The following SOX6 variants were observed in gnomAD, a reference collection of about 807,000 sequenced individuals.
The protein encoded by SOX6 is SRY-box transcription factor 6.
SOX6 carries 11 observed loss-of-function variants against 97.8 expected under a neutral mutation model. The ratio of observed to expected loss-of-function variants is 0.11; its 90% CI spans 0.07 to 0.19. The LOEUF (loss-of-function observed/expected upper bound fraction) is 0.19, where lower values mean the gene tolerates loss of function less well. SOX6 is among the 10% of genes least tolerant of loss of function. The pLI is 1.00. For missense variants in SOX6, 810 were observed against 1,039.5 expected (o/e 0.78, Z 3.04); for synonymous variants, 360 against 371.4 (o/e 0.97, Z 0.35).
chr11:16,653,570 A>T (rs1423427271), intron 3 of SOX6, among the ~76,000 whole-genome samples: 1 of 152,196 alleles, frequency 6.6e-6, no homozygotes, highest in Non-Finnish European at 1.5e-5. Flanking sequence ...GAAATAAGCT[A>T]TGAGGATACA....
intron 3 of SOX6, among the ~76,000 whole-genome samples, chr11:16,266,269 C>T (rs543810521): frequency 6.6e-6 from 1 of 151,578 alleles, no homozygotes; most frequent in Non-Finnish European, 1.5e-5. Flanking sequence ...GACAATTGTG[C>T]AACATTTTTA....
At chr11:16,059,608 T>C (rs952242556) in intron 9 of SOX6, among the ~76,000 whole-genome samples, 1 of 152,014 alleles carries the variant, frequency 6.6e-6, no homozygotes, top group African/African-American at 2.4e-5. Flanking sequence ...TATGTCATGA[T>C]TGTTGCTTTC....
chr11:16,106,161 C>A (rs963448680), intron 7 of SOX6, among the ~76,000 whole-genome samples: 4 of 151,986 alleles, frequency 2.6e-5, no homozygotes, highest in Non-Finnish European at 5.9e-5. Flanking sequence ...CAATCCCTAT[C>A]AAAATTACAA....
At chr11:16,570,458 T>A (rs1184735455) in intron 4 of SOX6, among the ~76,000 whole-genome samples, 1 of 152,218 alleles carries the variant, frequency 6.6e-6, no homozygotes, top group African/African-American at 2.4e-5. Flanking sequence ...TAATTCTCCT[T>A]ACATTCTCTG....
rs570255586 is a variant in SOX6 at position 16,154,030 on chromosome 11, G to A, written c.777+29856C>T. On this transcript the variant is annotated intron_variant, in intron 6 of 15. Coordinates refer to ENST00000683767, the MANE Select transcript of SOX6 (RefSeq NM_001367873.1). ...AAGGAATATAAAAGTGAAGTAAGAT[G>A]GCAATTTATTCCTCCCAGCTCAAAT... 6.8e-4 allele frequency among the ~76,000 whole-genome samples: 103 copies of A among 152,168 alleles called. 1 individual carries two copies. The highest frequency in any genetic ancestry group is 2.4e-3 in the African/African-American group (100 of 41,546).
chr11:16,634,478 T>C (rs566223201), intron 3 of SOX6, among the ~76,000 whole-genome samples: 8 of 152,256 alleles, frequency 5.3e-5, no homozygotes, highest in Non-Finnish European at 1.0e-4. Context: ...ATTCTCAAAT[T>C]TGGTGAAAAA....
In SOX6 at chr11:16,610,311, A is replaced by G. The variant is rs1435046424; in HGVS notation, n.609+1770T>C. 6.6e-6 allele frequency among the ~76,000 whole-genome samples: 1 copy of G among 152,196 alleles called. No individual in the cohort carries two copies. Among genetic ancestry groups the G allele is most frequent in the Non-Finnish European group, 1.5e-5 (1 of 68,034 alleles). On this transcript the variant is annotated intron_variant and non_coding_transcript_variant, in intron 4 of 5. Transcript: ENST00000524520. This position sits in a 1 kb window ranked among gnomAD's most constrained non-coding sequence, Gnocchi z 4.4. ...GAAGAGCCACCTAGAGAGGTGAAAC[A>G]TTAGGGACGGAAAGGCTGGAGCGCG...
At chr11:16,688,204 G>A (rs1590052765) in intron 3 of SOX6, among the ~76,000 whole-genome samples, 1 of 151,998 alleles carries the variant, frequency 6.6e-6, no homozygotes, top group East Asian at 1.9e-4. Context: ...GAACTCCTGG[G>A]CTCAAGCAAT....
chr11:16,066,944 G>C (rs983635687), intron 9 of SOX6, among the ~76,000 whole-genome samples: 16 of 152,070 alleles, frequency 1.1e-4, no homozygotes, highest in African/African-American at 3.9e-4. Flanking sequence ...GAAGCTTTAA[G>C]ATTTGACTGC....
chr11:16,383,281 C>A (rs1404786389), intron 1 of SOX6, among the ~76,000 whole-genome samples: 1 of 151,778 alleles, frequency 6.6e-6, no homozygotes, highest in African/African-American at 2.4e-5. Context: ...TATAACAGAG[C>A]AATAAGAAGA....
intron 4 of SOX6, among the ~76,000 whole-genome samples, chr11:16,192,716 G>A (rs1949482): frequency 0.59 from 89,266 of 151,698 alleles, 27,232 homozygotes; most frequent in East Asian, 0.75. Context: ...GATAAATAAG[G>A]CAATTCTCTT....
At chr11:16,295,504 T>C (rs1201216306) in intron 3 of SOX6, among the ~76,000 whole-genome samples, 1 of 152,008 alleles carries the variant, frequency 6.6e-6, no homozygotes, top group Non-Finnish European at 1.5e-5. Context: ...TCATCTTTCC[T>C]GTAGATATAG....
At chr11:15,987,823 C>A (rs866225175) in intron 14 of SOX6, among the ~76,000 whole-genome samples, 2 of 151,288 alleles carry the variant, frequency 1.3e-5, no homozygotes, top group Middle Eastern at 3.4e-3. Flanking sequence ...AAAATAAAAA[C>A]CACACTTAAT....
chr11:16,059,000 C>CTAA (rs1847883678), intron 9 of SOX6, among the ~76,000 whole-genome samples: 1 of 152,094 alleles, frequency 6.6e-6, no homozygotes, highest in South Asian at 2.1e-4. Context: ...ATGATGCCTT[C>CTAA]AATTCCTAAG....
At chr11:16,068,762 C>T (rs7947622) in intron 9 of SOX6, among the ~76,000 whole-genome samples, 2 of 152,124 alleles carry the variant, frequency 1.3e-5, no homozygotes, top group Admixed American at 6.5e-5. Context: ...AACTCAAGAA[C>T]CACTTTTTCC....
At chr11:16,250,003 T>A (rs912941058) in intron 3 of SOX6, among the ~76,000 whole-genome samples, 2 of 152,214 alleles carry the variant, frequency 1.3e-5, no homozygotes, top group African/African-American at 4.8e-5. Flanking sequence ...CCCCACTAAG[T>A]TTCTATAATA....
chr11:16,126,564 C>T (rs2134013876), intron 6 of SOX6, among the ~76,000 whole-genome samples: 1 of 152,258 alleles, frequency 6.6e-6, no homozygotes, highest in African/African-American at 2.4e-5. Flanking sequence ...GAAACACAAT[C>T]TCAGCTCTGT....
intron 3 of SOX6, among the ~76,000 whole-genome samples, chr11:16,695,208 AT>A (rs1313634426): frequency 6.6e-6 from 1 of 152,238 alleles, no homozygotes; most frequent in African/African-American, 2.4e-5. Flanking sequence ...ATCAATGGAT[AT>A]TATTTCCATA....
Position 15,969,579 on chromosome 11 carries a change from G to C in SOX6, c.*3230C>G, listed in dbSNP as rs543239446. On this transcript the variant is annotated 3_prime_UTR_variant, in exon 16 of 16. Coordinates refer to ENST00000683767, the MANE Select transcript of SOX6 (RefSeq NM_001367873.1). ...TGTAGCTGATAACTCACTACCCCGA[G>C]AGGCACAGTGACTCATCAACTTTCA... 1 of 152,230 alleles carries C rather than the reference G, an allele frequency of 6.6e-6. No homozygotes were observed. The highest frequency in any genetic ancestry group is 2.1e-4 in the South Asian group (1 of 4,814). The allele number at this position is 152,230 out of a possible 1,614,324, so 9.4% of individuals were successfully genotyped here.
Sources: allele counts gnomAD v4.1 joint callset (sites outside exome capture counted in the v4.1 genomes callset), GRCh38; gene constraint gnomAD v4.1.1; non-coding constraint Gnocchi (gnomAD v3.1); transcripts MANE v1.5; gene names NCBI Gene and HGNC (gene_info 2026-07-23, HGNC 2026-07-21).